GLIS3: variants seen among roughly 807,000 people sequenced by gnomAD.
GLIS3 encodes the protein zinc finger protein GLIS3.
A neutral mutation model predicts 78.6 loss-of-function variants in GLIS3; 53 were observed. The ratio of observed to expected loss-of-function variants is 0.67; its 90% confidence interval spans 0.54 to 0.85. GLIS3 has a LOEUF of 0.85. Among genes scored for constraint, GLIS3 ranks in the 40% least tolerant of loss-of-function variants. The pLI is 0.00. For missense variants in GLIS3, 1,703 were observed against 1,231.1 expected (o/e 1.38, Z -5.74); for synonymous variants, 684 against 509.9 (o/e 1.34, Z -4.60).
chr9:4,458,800 C>G, the GLIS3 span, among the ~76,000 whole-genome samples: 367 of 152,176 alleles, frequency 2.4e-3, 1 homozygote, highest in African/African-American at 8.2e-3. Flanking sequence ...TTGAGTATAT[C>G]TGAACAAGTG....
At chr9:4,324,368 ACTT>A (rs1817573629) in intron 2 of GLIS3, among the ~76,000 whole-genome samples, 1 of 152,118 alleles carries the variant, frequency 6.6e-6, no homozygotes. Flanking sequence ...AAGTTACTTA[ACTT>A]CTTTCAACCT....
chr9:4,034,674 C>T (rs1433404964), intron 4 of GLIS3: 1 of 152,224 alleles, frequency 6.6e-6, no homozygotes, highest in Non-Finnish European at 1.5e-5. Context: ...AGCCACATGA[C>T]ACCGGGATCA....
chr9:4,019,803 G>C (rs1234315424), intron 4 of GLIS3, among the ~76,000 whole-genome samples: 1 of 152,136 alleles, frequency 6.6e-6, no homozygotes, highest in Non-Finnish European at 1.5e-5. Flanking sequence ...GGCAATCACA[G>C]CTCACTGTAA....
intron 2 of GLIS3, among the ~76,000 whole-genome samples, chr9:4,193,675 A>T: frequency 6.6e-6 from 1 of 152,222 alleles, no homozygotes; most frequent in South Asian, 2.1e-4. Flanking sequence ...TTGAATAACT[A>T]GGGAAGATGG....
the GLIS3 span, among the ~76,000 whole-genome samples, chr9:4,396,729 C>G: frequency 2.0e-5 from 3 of 152,182 alleles, no homozygotes; most frequent in African/African-American, 7.2e-5. Context: ...ATAAATTTCA[C>G]ATACGATTTC....
At chr9:3,956,734 G>A (rs1296200435) in intron 4 of GLIS3, among the ~76,000 whole-genome samples, 2 of 151,980 alleles carry the variant, frequency 1.3e-5, no homozygotes, top group Non-Finnish European at 2.9e-5. Context: ...TGCCAACTTT[G>A]AATAATCCTC....
intron 4 of GLIS3, among the ~76,000 whole-genome samples, chr9:4,050,034 G>C (rs536773122): frequency 2.6e-5 from 4 of 152,310 alleles, no homozygotes; most frequent in African/African-American, 7.2e-5. Context: ...GTGGAAGACA[G>C]TGTGGCAATT....
chr9:4,009,086 T>C lies in GLIS3; in HGVS notation c.1711-71897A>G, dbSNP rs185816267. Among the ~76,000 whole-genome samples, 82 of 152,328 alleles carry C rather than the reference T, an allele frequency of 5.4e-4. 1 individual carries two copies. The highest frequency in any genetic ancestry group is 1.9e-3 in the African/African-American group (77 of 41,566). ...TCTTCTCTTACTCAAAAGAAAATGA[T>C]GCATTTATAGATTAATGTCATAGAA... On this transcript the variant is annotated intron_variant, in intron 4 of 10. Coordinates refer to ENST00000381971, the MANE Select transcript of GLIS3 (RefSeq NM_001042413.2).
the GLIS3 span, among the ~76,000 whole-genome samples, chr9:4,369,286 T>C: frequency 2.0e-5 from 3 of 152,186 alleles, 1 homozygote; most frequent in Non-Finnish European, 4.4e-5. Context: ...CTTTCTAACC[T>C]AATTCTTTTC....
chr9:3,877,247 T>C (rs1821377048), intron 8 of GLIS3, among the ~76,000 whole-genome samples: 1 of 147,838 alleles, frequency 6.8e-6, no homozygotes, highest in Non-Finnish European at 1.5e-5. Context: ...TAAAATGCAT[T>C]TTTTTAAAAA....
chr9:4,282,452 C>T (rs79331316), intron 2 of GLIS3, among the ~76,000 whole-genome samples: 14,634 of 152,196 alleles, frequency 0.096, 811 homozygotes, highest in African/African-American at 0.16. Context: ...GGTTGACCCT[C>T]GCCCCCGACA....
At chr9:4,248,612 G>A (rs1054877920) in intron 2 of GLIS3, among the ~76,000 whole-genome samples, 3 of 152,134 alleles carry the variant, frequency 2.0e-5, no homozygotes, top group African/African-American at 7.2e-5. Context: ...CTCAGTAGTG[G>A]GATTGCTGGG....
At chr9:4,105,761 C>G (rs1327887818) in intron 4 of GLIS3, among the ~76,000 whole-genome samples, 1 of 152,134 alleles carries the variant, frequency 6.6e-6, no homozygotes, top group Non-Finnish European at 1.5e-5. Flanking sequence ...GATTATACAG[C>G]TCTGTTCTTG....
At position 3,989,138 on chromosome 9, in the gene GLIS3, A is replaced by G. The variant is rs117391901; in HGVS notation, c.1711-51949T>C. On this transcript the variant is annotated intron_variant, in intron 4 of 10. Transcript: ENST00000381971. The stretch of plus-strand genomic sequence containing the variant: ...GGATATACAGACGGTAAATAAGCAT[A>G]TGAGAAGATGTTCAACATCACTAAT... 3.9e-4 allele frequency among the ~76,000 whole-genome samples: 60 copies of G among 152,316 alleles called. No homozygotes were observed. In the East Asian group the frequency reaches 7.7e-3, roughly 20 times the overall value.
At chr9:4,444,471 C>T in the GLIS3 span, among the ~76,000 whole-genome samples, 1 of 152,206 alleles carries the variant, frequency 6.6e-6, no homozygotes, top group Non-Finnish European at 1.5e-5. Flanking sequence ...TCTCCTGGCT[C>T]TAATCTGTCT....
intron 2 of GLIS3, among the ~76,000 whole-genome samples, chr9:4,154,970 T>G (rs144036880): frequency 1.4e-4 from 21 of 152,344 alleles, no homozygotes; most frequent in African/African-American, 4.8e-4. Flanking sequence ...CAAAGAATAC[T>G]GAACTACATG....
chr9:3,935,138 T>A (rs1825820281), intron 5 of GLIS3, among the ~76,000 whole-genome samples: 1 of 152,150 alleles, frequency 6.6e-6, no homozygotes, highest in Non-Finnish European at 1.5e-5. Context: ...AAGGAGTGAT[T>A]AATGAAAGGG....
At chr9:3,878,050 C>T (rs930546708) in intron 8 of GLIS3, among the ~76,000 whole-genome samples, 2 of 152,194 alleles carry the variant, frequency 1.3e-5, no homozygotes, top group Non-Finnish European at 2.9e-5. Context: ...TCCCAAGCTA[C>T]TGAGACCGTC....
intron 2 of GLIS3, among the ~76,000 whole-genome samples, chr9:4,156,513 A>C (rs1459343530): frequency 6.6e-6 from 1 of 152,224 alleles, no homozygotes; most frequent in South Asian, 2.1e-4. Context: ...GGGATCATCT[A>C]GAGGTAAGTA....
Sources: gnomAD v4.1 joint callset for allele counts (sites outside exome capture counted in the v4.1 genomes callset) on GRCh38, gnomAD v4.1.1 for gene constraint, MANE v1.5 for transcripts, NCBI Gene and HGNC (gene_info 2026-07-23, HGNC 2026-07-21) for gene names.